The following NUDT4 variants were observed in gnomAD, a reference collection of about 807,000 sequenced individuals.
NUDT4 encodes the protein nudix hydrolase 4, also known as diphosphoinositol polyphosphate phosphohydrolase 2.
In NUDT4, 5 loss-of-function variants were observed where a neutral mutation model predicts 23.1. The observed-to-expected ratio is 0.22, with a 90% CI of 0.11 to 0.46. NUDT4 has a LOEUF of 0.46. Ranked by LOEUF, NUDT4 falls within the 20% of genes least tolerant of loss-of-function variation. The pLI is 0.99. For synonymous variants in NUDT4, 50 were observed against 79.0 expected, an observed-to-expected ratio of 0.63 and a Z score of 1.95; for missense variants, 96 against 211.6, an observed-to-expected ratio of 0.45 and a Z score of 3.39.
At chr12:93,394,451 T>A (rs1876784099) in intron 1 of NUDT4, among the ~76,000 whole-genome samples, 158 bp from the exon 2 acceptor site, 1 of 152,270 alleles carries the variant, frequency 6.6e-6, no homozygotes, top group South Asian at 2.1e-4. Flanking sequence ...AGGTTGTCAA[T>A]TGCATTTTTG....
intron 3 of NUDT4, among the ~76,000 whole-genome samples, chr12:93,397,649 C>A (rs1291672694): frequency 6.6e-6 from 1 of 152,106 alleles, no homozygotes; most frequent in Non-Finnish European, 1.5e-5. Flanking sequence ...CTTCAGCCTC[C>A]CAAGTAGCTG....
intron 1 of NUDT4, among the ~76,000 whole-genome samples, chr12:93,385,970 T>TATACAC (rs1243696865): frequency 2.5e-4 from 30 of 118,624 alleles, no homozygotes; most frequent in South Asian, 2.7e-4. Flanking sequence ...TATATATATA[T>TATACAC]ACATAATTTT....
chr12:93,406,419 CCCATTCT>C lies in NUDT4; in HGVS notation c.*7045_*7051del, dbSNP rs1178206390. 6.6e-6 allele frequency: 1 copy of C among 151,982 alleles called. No homozygotes were observed. Among genetic ancestry groups the C allele is most frequent in the Non-Finnish European group, 1.5e-5 (1 of 68,018 alleles). 9.4% of individuals were successfully genotyped at this position (151,982 alleles called of 1,614,324 possible). A position where few individuals can be genotyped will look rare whatever the true frequency, so the allele number is the denominator to read the frequency against. On this transcript the variant is annotated 3_prime_UTR_variant, in exon 5 of 5. Transcript: ENST00000415493. Reference sequence around the variant, plus strand: ...ATGTCTTTTAGGACAGATTTCCTTCCCCATTCTCCATCAAACAACCATAGCACCTGTG... The same window carrying C: ...ATGTCTTTTAGGACAGATTTCCTTCCCCATCAAACAACCATAGCACCTGTG...
chr12:93,395,962 G>A (rs1876904999), intron 3 of NUDT4, among the ~76,000 whole-genome samples: 2 of 151,986 alleles, frequency 1.3e-5, no homozygotes, highest in Admixed American at 6.6e-5. Flanking sequence ...CTAGTGATCC[G>A]CCCACCTCGG....
intron 3 of NUDT4, among the ~76,000 whole-genome samples, chr12:93,397,705 A>G (rs114047443): frequency 3.9e-5 from 6 of 152,006 alleles, no homozygotes; most frequent in Non-Finnish European, 8.8e-5. Context: ...TCGTATTTTT[A>G]GTAGAGACGG....
intron 3 of NUDT4, among the ~76,000 whole-genome samples, chr12:93,395,961 C>T (rs1028740636): frequency 6.6e-6 from 1 of 152,144 alleles, no homozygotes; most frequent in Non-Finnish European, 1.5e-5. Flanking sequence ...CCTAGTGATC[C>T]GCCCACCTCG....
Position 93,403,611 on chromosome 12 carries a change from A to C in NUDT4, c.*4232A>C, listed in dbSNP as rs1877625406. The C allele has an allele frequency of 6.6e-6, 1 of 152,138 alleles. No homozygotes were observed. Among genetic ancestry groups the C allele is most frequent in the South Asian group, 2.1e-4 (1 of 4,818 alleles). The allele number at this position is 152,138 out of a possible 1,614,324, so 9.4% of individuals were successfully genotyped here. On this transcript the variant is annotated 3_prime_UTR_variant, in exon 5 of 5. Coordinates refer to ENST00000415493, the MANE Select transcript of NUDT4 (RefSeq NM_019094.6). The stretch of plus-strand genomic sequence containing the variant: ...TGGGATTATGGGCGTGAACCACCGC[A>C]CCTGGCCTATCTTGGTGTTTTTACA...
At chr12:93,395,129 G>A (rs1027338699) in intron 2 of NUDT4, among the ~76,000 whole-genome samples, 9 of 151,826 alleles carry the variant, frequency 5.9e-5, no homozygotes, top group African/African-American at 1.7e-4. Context: ...GATTACAGGC[G>A]TGAGCCACTA....
chr12:93,398,165 C>CTAAAATA (rs1877067984), intron 3 of NUDT4, among the ~76,000 whole-genome samples: 1 of 151,562 alleles, frequency 6.6e-6, no homozygotes, highest in African/African-American at 2.4e-5. Flanking sequence ...CATGGTGAAA[C>CTAAAATA]CCCGTCTGTA....
intron 1 of NUDT4, among the ~76,000 whole-genome samples, chr12:93,382,072 C>A (rs148128029): frequency 0.012 from 1,846 of 152,278 alleles, 32 homozygotes; most frequent in African/African-American, 0.041. Flanking sequence ...GCCTGGCCAA[C>A]ATGGCGAAAC....
chr12:93,395,760 C>T (rs755054057), intron 3 of NUDT4, among the ~76,000 whole-genome samples: 10 of 152,050 alleles, frequency 6.6e-5, no homozygotes, highest in Non-Finnish European at 1.3e-4. Flanking sequence ...CTCGCTCTGT[C>T]GCCAGGCTGG....
chr12:93,406,716 TC>T lies in NUDT4; in HGVS notation c.*7338del, dbSNP rs1464128730. 1 of 152,206 alleles carries T rather than the reference TC, an allele frequency of 6.6e-6. No individual in the cohort carries two copies. The highest frequency in any genetic ancestry group is 6.5e-5 in the Admixed American group (1 of 15,274). The allele number at this position is 152,206 out of a possible 1,614,324, so 9.4% of individuals were successfully genotyped here. The stretch of plus-strand genomic sequence containing the variant: ...ACATTATAATAGGTATTATAAGTAA[TC>T]TAAATATTAACATAAGCGGGAGGAT... On this transcript the variant is annotated 3_prime_UTR_variant, in exon 5 of 5. Coordinates refer to ENST00000415493, the MANE Select transcript of NUDT4 (RefSeq NM_019094.6).
Position 93,408,050 on chromosome 12 carries a change from C to T in NUDT4, c.*8671C>T, listed in dbSNP as rs1381246284. ...TTTTTGTAGTGCAACAGATTTAAAT[C>T]TGGAATTTCATGGTTTGTAAATCAC... On this transcript the variant is annotated 3_prime_UTR_variant, in exon 5 of 5. Transcript: ENST00000415493. The T allele has an allele frequency of 6.6e-6, 1 of 152,200 alleles. No homozygotes were observed. The highest frequency in any genetic ancestry group is 1.5e-5 in the Non-Finnish European group (1 of 68,040). The allele number at this position is 152,200 out of a possible 1,614,324, so 9.4% of individuals were successfully genotyped here.
At chr12:93,389,035 G>A (rs1282221838) in intron 1 of NUDT4, among the ~76,000 whole-genome samples, 1 of 152,238 alleles carries the variant, frequency 6.6e-6, no homozygotes, top group African/African-American at 2.4e-5. Flanking sequence ...GAGTAGACAA[G>A]TGCTTAATGA....
rs544975265 is a variant in NUDT4, at chr12:93,391,577, A to C, written c.100-3032A>C. ...GAGACTCCATTTCAAAAAAAAAAAA[A>C]AGTACAAAAATTAGCCAGGCCTGGT... On this transcript the variant is annotated intron_variant, in intron 1 of 4. Coordinates refer to ENST00000415493, the MANE Select transcript of NUDT4 (RefSeq NM_019094.6). Among the ~76,000 whole-genome samples, 10 of 151,726 alleles carry C rather than the reference A, an allele frequency of 6.6e-5. No homozygotes were observed. In the East Asian group the frequency reaches 1.4e-3, roughly 21 times the overall value.
chr12:93,383,043 A>AAACCAGGCATT (rs145293382), intron 1 of NUDT4, among the ~76,000 whole-genome samples: 18,216 of 151,618 alleles, frequency 0.12, 1,482 homozygotes, highest in East Asian at 0.43. Context: ...TCCCGTCATT[A>AAACCAGGCATT]AACCAGGCAT....
intron 1 of NUDT4, among the ~76,000 whole-genome samples, chr12:93,389,687 G>A (rs1876347321): frequency 6.6e-6 from 1 of 151,932 alleles, no homozygotes; most frequent in Non-Finnish European, 1.5e-5. Context: ...TGGATCACGA[G>A]GTCAGGAGTT....
At chr12:93,385,859 A>G (rs1876020536) in intron 1 of NUDT4, among the ~76,000 whole-genome samples, 1 of 149,928 alleles carries the variant, frequency 6.7e-6, no homozygotes, top group Admixed American at 6.7e-5. Context: ...GCCAAAAAAA[A>G]ACCTTACAAT....
At chr12:93,390,100 G>T (rs897290803) in intron 1 of NUDT4, among the ~76,000 whole-genome samples, 3 of 152,124 alleles carry the variant, frequency 2.0e-5, no homozygotes, top group African/African-American at 7.2e-5. Context: ...GGATGATTTT[G>T]AACTCCCTAT....
Sources: allele counts gnomAD v4.1 joint callset (sites outside exome capture counted in the v4.1 genomes callset), GRCh38; gene constraint gnomAD v4.1.1; transcripts MANE v1.5; gene names NCBI Gene and HGNC (gene_info 2026-07-23, HGNC 2026-07-21).